RBM33: variants seen among roughly 807,000 people sequenced by gnomAD.
The protein encoded by RBM33 is RNA-binding protein 33.
Under a neutral mutation model 132.6 loss-of-function variants are expected in RBM33, and 28 were observed. The ratio of observed to expected loss-of-function variants is 0.21; its 90% CI spans 0.16 to 0.29. The LOEUF (loss-of-function observed/expected upper bound fraction) is 0.29. RBM33 is among the 10% of genes least tolerant of loss of function. The pLI is 1.00. For synonymous variants in RBM33, 634 were observed against 593.0 expected, an observed-to-expected ratio of 1.07 and a Z score of -1.01; for missense variants, 1,291 against 1,518.5, an observed-to-expected ratio of 0.85 and a Z score of 2.49.
At chr7:155,720,719 T>C (rs1800597773) in intron 9 of RBM33, among the ~76,000 whole-genome samples, 1 of 152,186 alleles carries the variant, frequency 6.6e-6, no homozygotes, top group Admixed American at 6.5e-5. Context: ...AAGACAACAT[T>C]GTTGTGGCTT....
intron 14 of RBM33, among the ~76,000 whole-genome samples, chr7:155,753,442 C>G (rs1299829200): frequency 6.6e-6 from 1 of 152,224 alleles, no homozygotes; most frequent in Non-Finnish European, 1.5e-5. Flanking sequence ...GTTTTTTAGC[C>G]TCTAAGGTCC....
At position 155,737,626 on chromosome 7, in the gene RBM33, C is replaced by T. The variant is rs1271851890; in HGVS notation, c.1357C>T (p.Pro453Ser). 6.2e-7 allele frequency: 1 copy of T among 1,602,980 alleles called. No individual in the cohort carries two copies. The highest frequency in any genetic ancestry group is 1.7e-5 in the Admixed American group (1 of 57,212). Residue 453 changes from proline to serine, a missense_variant, in exon 10 of 18, where the codon CCC becomes TCC. Coordinates refer to ENST00000401878, the MANE Select transcript of RBM33 (RefSeq NM_053043.3). ...LPLQDQWRAP[P>S]PPQDRDPFFL... is the part of the protein sequence containing the mutation. ...TCTCCAGGACCAGTGGAGAGCCCCA[C>T]CCCCGCCTCAGGATCGAGACCCTTT...
intron 2 of RBM33, among the ~76,000 whole-genome samples, chr7:155,666,990 C>T (rs1262592628): frequency 3.3e-5 from 5 of 152,036 alleles, no homozygotes; most frequent in Non-Finnish European, 5.9e-5. Flanking sequence ...ACAGAAACTC[C>T]CACTTGACCT....
chr7:155,725,031 T>TGTGTGTAC, intron 9 of RBM33, among the ~76,000 whole-genome samples: 1 of 148,676 alleles, frequency 6.7e-6, no homozygotes, highest in Non-Finnish European at 1.5e-5. Flanking sequence ...TGTGTGTGTG[T>TGTGTGTAC]GTGTGTACAG....
chr7:155,713,972 C>T (rs1422287877), intron 8 of RBM33, among the ~76,000 whole-genome samples: 9 of 151,838 alleles, frequency 5.9e-5, no homozygotes, highest in African/African-American at 2.2e-4. Context: ...TCCTTGGTGG[C>T]CTCAGTTTCC....
intron 14 of RBM33, among the ~76,000 whole-genome samples, chr7:155,750,244 T>A (rs1801651000): frequency 6.6e-6 from 1 of 152,224 alleles, no homozygotes; most frequent in Non-Finnish European, 1.5e-5. Flanking sequence ...TTTTCAGTGT[T>A]TAAGAAACCA....
rs776340484 is a variant in RBM33 at position 155,673,766 on chromosome 7, G to GCACACA, written c.171+852_171+853insACACAC. On this transcript the variant is annotated intron_variant, in intron 3 of 17. Transcript: ENST00000401878. ...CACACGTGTATATACGCGCGCATGC[G>GCACACA]CGCACACACACACACACACACACAC... 1.0e-3 allele frequency among the ~76,000 whole-genome samples: 126 copies of GCACACA among 120,302 alleles called. 4 individuals are homozygous for GCACACA. The highest frequency in any genetic ancestry group is 3.9e-3 in the East Asian group (17 of 4,308). 78.9% of individuals were successfully genotyped at this position (120,302 alleles called of 152,430 possible).
In RBM33 at chr7:155,717,145, C is replaced by T. The variant is rs143637282; in HGVS notation, c.1202-1240C>T. 1.4e-3 allele frequency among the ~76,000 whole-genome samples: 217 copies of T among 152,278 alleles called. 4 individuals carry two copies. Among genetic ancestry groups the T allele is most frequent in the African/African-American group, 5.0e-3 (206 of 41,548 alleles). On this transcript the variant is annotated intron_variant, in intron 8 of 17. Transcript: ENST00000401878. The stretch of plus-strand genomic sequence containing the variant: ...ACTTCTTAAATTAAAAAATATGCTT[C>T]GTTGTCAATTCCACCTGATGTGTAC...
chr7:155,741,808 T>C lies in RBM33; in HGVS notation c.2050-11T>C. On this transcript the variant is annotated splice_polypyrimidine_tract_variant and intron_variant, in intron 12 of 17. Transcript: ENST00000401878. ...CACTTACAATTAGAATCTCTTTCTT[T>C]TTGTGAAAAGAATACAACTTCTCAG... is the stretch of plus-strand genomic sequence containing the variant. 4 of 1,593,542 alleles carry C rather than the reference T, an allele frequency of 2.5e-6. No homozygotes were observed. The highest frequency in any genetic ancestry group is 3.4e-6 in the Non-Finnish European group (4 of 1,164,950).
intron 15 of RBM33, 135 bp from the exon 16 acceptor site, chr7:155,766,332 A>C (rs1205603660): frequency 2.0e-6 from 2 of 977,204 alleles, no homozygotes; most frequent in African/African-American, 3.3e-5. Flanking sequence ...GATAGTGGAT[A>C]GAAAACTACA....
intron 1 of RBM33, among the ~76,000 whole-genome samples, chr7:155,663,209 C>T (rs76069199): frequency 2.8e-5 from 4 of 143,708 alleles, no homozygotes; most frequent in Non-Finnish European, 3.0e-5. Flanking sequence ...TTCTTTCTTT[C>T]TTTTTTTTTT....
chr7:155,719,325 G>A (rs908166509), intron 9 of RBM33, among the ~76,000 whole-genome samples: 1 of 151,912 alleles, frequency 6.6e-6, no homozygotes, highest in African/African-American at 2.4e-5. Context: ...GTTTATCTTT[G>A]GTACTTCAGT....
intron 5 of RBM33, among the ~76,000 whole-genome samples, chr7:155,699,641 A>T (rs1363654759): frequency 6.6e-6 from 1 of 152,194 alleles, no homozygotes; most frequent in African/African-American, 2.4e-5. Context: ...TGAAAGTTGT[A>T]GTTTACTGTC....
chr7:155,739,504 A>G, intron 11 of RBM33: 1 of 588,284 alleles, frequency 1.7e-6, no homozygotes, highest in Non-Finnish European at 3.0e-6. Flanking sequence ...CAATCCTAGA[A>G]TTACTGGATT....
At chr7:155,734,235 A>C (rs1192468103) in intron 9 of RBM33, among the ~76,000 whole-genome samples, 1 of 152,190 alleles carries the variant, frequency 6.6e-6, no homozygotes, top group East Asian at 1.9e-4. Flanking sequence ...CCTCCTCCTG[A>C]GTGCGTGCTT....
At chr7:155,767,237 A>C (rs1224638244) in intron 16 of RBM33, among the ~76,000 whole-genome samples, 1 of 152,242 alleles carries the variant, frequency 6.6e-6, no homozygotes, top group East Asian at 1.9e-4. Flanking sequence ...TTTCCACGGA[A>C]ACTCCTGGTC....
intron 3 of RBM33, 44 bp downstream of exon 3, chr7:155,672,959 A>G: frequency 3.0e-6 from 4 of 1,340,178 alleles, no homozygotes; most frequent in Middle Eastern, 1.9e-4. Context: ...TAGTCATTTA[A>G]TTATACTTAA....
chr7:155,745,704 C>G lies in RBM33; in HGVS notation c.2979+102C>G, dbSNP rs1468534303. 2.6e-6 allele frequency: 3 copies of G among 1,161,730 alleles called. No homozygotes were observed. Among genetic ancestry groups the G allele is most frequent in the Non-Finnish European group, 3.6e-6 (3 of 837,832 alleles). The allele number at this position is 1,161,730 out of a possible 1,614,324, so 72.0% of individuals were successfully genotyped here. ...TTGAAGAAAGAATTAAAAGTTACCT[C>G]TGTTATAGTCTTGTAACCAATCTCT... On this transcript the variant is annotated intron_variant, in intron 14 of 17. Coordinates refer to ENST00000401878, the MANE Select transcript of RBM33 (RefSeq NM_053043.3). This position sits in a 1 kb window ranked among gnomAD's most constrained non-coding sequence, Gnocchi z 4.1.
intron 1 of RBM33, among the ~76,000 whole-genome samples, chr7:155,661,146 A>ATATTTATTTTTT (rs1421586760): frequency 1.2e-5 from 1 of 81,182 alleles, no homozygotes; most frequent in Non-Finnish European, 2.6e-5. Flanking sequence ...ATATATATAT[A>ATATTTATTTTTT]TTTTTTTTTT....
Sources: gnomAD v4.1 joint callset for allele counts (sites outside exome capture counted in the v4.1 genomes callset) on GRCh38, gnomAD v4.1.1 for gene constraint, Gnocchi (gnomAD v3.1) non-coding constraint, MANE v1.5 for transcripts, NCBI Gene and HGNC (gene_info 2026-07-23, HGNC 2026-07-21) for gene names.